Variants in PRKG1 observed in about 807,000 individuals in gnomAD.
PRKG1 encodes protein kinase cGMP-dependent 1.
Under a neutral mutation model 88.1 loss-of-function variants are expected in PRKG1, and 35 were observed. The observed-to-expected ratio is 0.40, with a 90% CI of 0.30 to 0.53. PRKG1 has a LOEUF of 0.53. Among genes scored for constraint, PRKG1 ranks in the 20% least tolerant of loss-of-function variants. PRKG1 has a pLI of 0.59. For missense variants in PRKG1, 540 were observed against 839.8 expected (o/e 0.64, Z 4.41); for synonymous variants, 303 against 292.5 (o/e 1.04, Z -0.37).
chr10:51,757,090 CATTTT>C (rs1225871876), intron 3 of PRKG1, among the ~76,000 whole-genome samples: 1 of 151,440 alleles, frequency 6.6e-6, no homozygotes, highest in African/African-American at 2.4e-5. Context: ...TCCTCACTTT[CATTTT>C]ATTTTATTTT....
chr10:51,303,849 C>T (rs767887310), intron 2 of PRKG1, among the ~76,000 whole-genome samples: 43 of 152,004 alleles, frequency 2.8e-4, no homozygotes, highest in Non-Finnish European at 4.9e-4. Flanking sequence ...GAGACAGAGT[C>T]TCACTCTGTA....
In PRKG1 at chr10:51,371,882, T is replaced by C. The variant is rs535365320; in HGVS notation, c.479-95841T>C. 4.7e-3 allele frequency among the ~76,000 whole-genome samples: 720 copies of C among 152,236 alleles called. 6 individuals are homozygous for C. Among genetic ancestry groups the C allele is most frequent in the African/African-American group, 0.017 (695 of 41,530 alleles). ...GTAGAGCTGCACAGGTGCCCTTCCG[T>C]GGGGGCTGAGAACTAACAAGCTACC... On this transcript the variant is annotated intron_variant, in intron 2 of 17. Transcript: ENST00000373980.
intron 8 of PRKG1, among the ~76,000 whole-genome samples, chr10:52,150,774 A>G (rs1157303041): frequency 6.6e-6 from 1 of 152,120 alleles, no homozygotes; most frequent in African/African-American, 2.4e-5. Context: ...CCATTTTAGG[A>G]TTTCACTTTC....
chr10:52,202,044 A>AT (rs911983512), intron 9 of PRKG1, among the ~76,000 whole-genome samples: 62 of 148,472 alleles, frequency 4.2e-4, no homozygotes, highest in Non-Finnish European at 6.0e-4. Flanking sequence ...GATGCCTTTC[A>AT]TTTTTTTTTT....
chr10:51,466,214 T>C (rs1024405038), intron 2 of PRKG1, among the ~76,000 whole-genome samples: 2 of 152,136 alleles, frequency 1.3e-5, no homozygotes, highest in African/African-American at 4.8e-5. Context: ...GGGAACTATC[T>C]GAAGCTTATG....
chr10:51,318,839 G>T (rs945231490), intron 2 of PRKG1, among the ~76,000 whole-genome samples: 1 of 152,138 alleles, frequency 6.6e-6, no homozygotes, highest in Non-Finnish European at 1.5e-5. Flanking sequence ...TTGATAAATT[G>T]CTTAGAATCT....
chr10:51,305,433 C>T (rs1477344662), intron 2 of PRKG1, among the ~76,000 whole-genome samples: 3 of 152,148 alleles, frequency 2.0e-5, no homozygotes, highest in Non-Finnish European at 4.4e-5. Context: ...CTGGTAGATG[C>T]ATTTGTTAAA....
intron 7 of PRKG1, among the ~76,000 whole-genome samples, chr10:52,079,460 G>T (rs1846713802): frequency 6.6e-6 from 1 of 152,082 alleles, no homozygotes; most frequent in Non-Finnish European, 1.5e-5. Context: ...ATGTCCATAT[G>T]AAGCCTGCAC....
rs552994409 is a variant in PRKG1 at position 51,460,507 on chromosome 10, G to A, written c.479-7216G>A. Among the ~76,000 whole-genome samples the A allele has an allele frequency of 8.5e-5, 13 of 152,238 alleles. No homozygotes were observed. The East Asian group carries it at 2.1e-3, about 25-fold the overall frequency. ...ATGTTCAGCTCTCGTTTATTTAGGG[G>A]ATGATTAGTCTATTTTCCTTTCTTT... is the stretch of plus-strand genomic sequence containing the variant. On this transcript the variant is annotated intron_variant, in intron 2 of 17. Transcript: ENST00000373980.
chr10:51,324,328 C>A (rs1841528691), intron 2 of PRKG1, among the ~76,000 whole-genome samples: 1 of 152,098 alleles, frequency 6.6e-6, no homozygotes, highest in Non-Finnish European at 1.5e-5. Context: ...TTAGCTCCCA[C>A]GTGTGAAAGG....
intron 5 of PRKG1, among the ~76,000 whole-genome samples, chr10:51,947,101 T>A (rs1248002749): frequency 1.3e-5 from 2 of 152,078 alleles, no homozygotes; most frequent in African/African-American, 4.8e-5. Context: ...CTCCTTGAGC[T>A]GTGGTGGGCT....
intron 3 of PRKG1, among the ~76,000 whole-genome samples, chr10:51,781,066 G>T (rs1248787923): frequency 6.6e-6 from 1 of 152,064 alleles, no homozygotes; most frequent in African/African-American, 2.4e-5. Flanking sequence ...GGATGGGGTG[G>T]TGTTTAAGAT....
chr10:51,702,730 C>T (rs907381946), intron 3 of PRKG1, among the ~76,000 whole-genome samples: 1 of 151,824 alleles, frequency 6.6e-6, no homozygotes, highest in African/African-American at 2.4e-5. Flanking sequence ...GGATTTCACT[C>T]CTGTCAGCCA....
chr10:52,209,585 C>CA (rs756891172), intron 9 of PRKG1, among the ~76,000 whole-genome samples: 25 of 152,194 alleles, frequency 1.6e-4, no homozygotes, highest in Non-Finnish European at 3.4e-4. Flanking sequence ...CCTTTTTTCA[C>CA]AAAAAATATT....
At chr10:51,695,973 T>C (rs1841280883) in intron 3 of PRKG1, 4 of 152,150 alleles carry the variant, frequency 2.6e-5, no homozygotes, top group Admixed American at 2.6e-4. Context: ...ATACCAACAT[T>C]TATGTTCACA....
intron 9 of PRKG1, among the ~76,000 whole-genome samples, chr10:52,218,315 A>G (rs535173216): frequency 1.3e-5 from 2 of 152,074 alleles, no homozygotes; most frequent in East Asian, 3.9e-4. Context: ...ACATCCATCA[A>G]AGGGGCTGCT....
Position 51,184,436 on chromosome 10 carries a change from A to C in PRKG1, c.478+31106A>C, listed in dbSNP as rs554690516. On this transcript the variant is annotated intron_variant, in intron 2 of 17. Transcript: ENST00000373980. ...AGTAAAATATTTTGTAAATTTATAC[A>C]TCAATCAGCATCACCGTATTTTGTT... 2.6e-5 allele frequency among the ~76,000 whole-genome samples: 4 copies of C among 152,180 alleles called. No homozygotes were observed. In the East Asian group the frequency reaches 7.7e-4, roughly 29 times the overall value.
intron 10 of PRKG1, among the ~76,000 whole-genome samples, chr10:52,258,777 T>C (rs1277957696): frequency 2.0e-5 from 3 of 152,088 alleles, no homozygotes; most frequent in Non-Finnish European, 4.4e-5. Flanking sequence ...CAAAATATTA[T>C]GCTATTGTGT....
chr10:51,192,010 T>C (rs1837643077), intron 2 of PRKG1, among the ~76,000 whole-genome samples: 1 of 151,856 alleles, frequency 6.6e-6, no homozygotes, highest in Non-Finnish European at 1.5e-5. Flanking sequence ...GTAGTGCAGA[T>C]GTTATTATAA....
Sources: gnomAD v4.1 joint callset for allele counts (sites outside exome capture counted in the v4.1 genomes callset) on GRCh38, gnomAD v4.1.1 for gene constraint, MANE v1.5 for transcripts, NCBI Gene and HGNC (gene_info 2026-07-23, HGNC 2026-07-21) for gene names.